COL6A5: variants seen among roughly 807,000 people sequenced by gnomAD.
COL6A5 encodes the protein collagen type VI alpha 5 chain.
Under a neutral mutation model 65.6 loss-of-function variants are expected in COL6A5, and 48 were observed. The observed-to-expected ratio is 0.73, with a 90% CI of 0.58 to 0.93. COL6A5 has a LOEUF of 0.93. Ranked by LOEUF, COL6A5 falls within the 40% of genes least tolerant of loss-of-function variation. The probability of loss-of-function intolerance (pLI) is 0.00; values close to 1 mark genes in which losing one functional copy is unlikely to be tolerated. For missense variants in COL6A5, 914 were observed against 928.3 expected, an observed-to-expected ratio of 0.98 and a Z score of 0.20; for synonymous variants, 291 against 322.8, an observed-to-expected ratio of 0.90 and a Z score of 1.05.
At chr3:130,350,444 T>C (rs1269520102) in intron 1 of COL6A5, among the ~76,000 whole-genome samples, 1 of 152,230 alleles carries the variant, frequency 6.6e-6, no homozygotes, top group Non-Finnish European at 1.5e-5. Flanking sequence ...CTTAAGCTGA[T>C]AAGCAACTTC....
chr3:130,438,056 T>C (rs137873717), intron 1 of COL6A5, among the ~76,000 whole-genome samples: 177 of 152,300 alleles, frequency 1.2e-3, no homozygotes, highest in African/African-American at 4.1e-3. Flanking sequence ...TGGAGTGCAG[T>C]GGCACGATCT....
chr3:130,409,993 A>G lies in COL6A5; in HGVS notation c.4543-16A>G. 1.3e-6 allele frequency: 2 copies of G among 1,525,490 alleles called. No individual in the cohort carries two copies. The highest frequency in any genetic ancestry group is 2.0e-5 in the Admixed American group (1 of 50,182). 94.5% of individuals were successfully genotyped at this position (1,525,490 alleles called of 1,614,324 possible). A position where few individuals can be genotyped will look rare whatever the true frequency, so the allele number is the denominator to read the frequency against. On this transcript the variant is annotated splice_polypyrimidine_tract_variant and intron_variant and NMD_transcript_variant, in intron 18 of 41. Coordinates refer to the COL6A5 transcript ENST00000312481. Reference sequence around the variant, plus strand: ...TATTTCTGGATTCTAAACTACTTTTAAAAATCTTTCTCTAGGGTAATCCAG... The same window carrying G: ...TATTTCTGGATTCTAAACTACTTTTGAAAATCTTTCTCTAGGGTAATCCAG...
At chr3:130,378,544 G>C (rs1232357268) in intron 3 of COL6A5, among the ~76,000 whole-genome samples, 2 of 152,080 alleles carry the variant, frequency 1.3e-5, no homozygotes, top group African/African-American at 4.8e-5. Flanking sequence ...CAACTGGAGT[G>C]GTATTTAAAA....
chr3:130,463,888 T>A (rs1709754839), intron 5 of COL6A5, among the ~76,000 whole-genome samples: 1 of 152,094 alleles, frequency 6.6e-6, no homozygotes, highest in Non-Finnish European at 1.5e-5. Flanking sequence ...TTAGCTTCTG[T>A]GATTCTCATG....
intron 1 of COL6A5, among the ~76,000 whole-genome samples, chr3:130,351,675 G>T (rs1934711920): frequency 6.6e-6 from 1 of 152,226 alleles, no homozygotes; most frequent in Non-Finnish European, 1.5e-5. Context: ...TGGAAAGGAT[G>T]TGGAGAAATA....
At chr3:130,423,890 C>G (rs962377711) in exon 29 of COL6A5, 1 of 1,548,892 alleles carries the variant, frequency 6.5e-7, no homozygotes, top group African/African-American at 1.4e-5. Flanking sequence ...CCAGGCCCTC[C>G]TGGACAGAGA....
chr3:130,351,940 A>C (rs942425173), intron 1 of COL6A5, among the ~76,000 whole-genome samples: 1 of 152,232 alleles, frequency 6.6e-6, no homozygotes, highest in Non-Finnish European at 1.5e-5. Flanking sequence ...GGATAAAGAA[A>C]ATGTGGCACA....
chr3:130,484,600 C>T (rs1376408823), exon 8 of COL6A5: 1 of 398,826 alleles, frequency 2.5e-6, no homozygotes, highest in Non-Finnish European at 4.4e-6. Flanking sequence ...GCTTTCTCTT[C>T]ACCAGGACAT....
chr3:130,422,716 TC>T lies in COL6A5; in HGVS notation c.5038-3del. On this transcript the variant is annotated splice_region_variant and splice_polypyrimidine_tract_variant and intron_variant and NMD_transcript_variant, in intron 27 of 41. Coordinates refer to the COL6A5 transcript ENST00000312481. ...ATCTTGACTTTTTATATCTGAATCT[TC>T]AGGGTGATATTGGTAATCCTGGAAT... is the stretch of plus-strand genomic sequence containing the variant. 1 of 1,524,798 alleles carries T rather than the reference TC, an allele frequency of 6.6e-7. No homozygotes were observed. Among genetic ancestry groups the T allele is most frequent in the Non-Finnish European group, 8.9e-7 (1 of 1,129,532 alleles). The allele number at this position is 1,524,798 out of a possible 1,614,324, so 94.5% of individuals were successfully genotyped here.
At chr3:130,460,295 A>C (rs771097023) in intron 5 of COL6A5, among the ~76,000 whole-genome samples, 2 of 152,102 alleles carry the variant, frequency 1.3e-5, no homozygotes, top group Non-Finnish European at 2.9e-5. Flanking sequence ...GAATAAACTG[A>C]GTCTCCCATT....
intron 29 of COL6A5, among the ~76,000 whole-genome samples, chr3:130,425,643 T>C (rs1937588577): frequency 6.6e-6 from 1 of 152,192 alleles, no homozygotes; most frequent in South Asian, 2.1e-4. Flanking sequence ...CTCCATAATC[T>C]CTTGGCATTT....
intron 7 of COL6A5, among the ~76,000 whole-genome samples, chr3:130,476,161 G>A (rs983433659): frequency 4.6e-5 from 7 of 152,054 alleles, no homozygotes; most frequent in African/African-American, 1.4e-4. Flanking sequence ...CAGCCTATAA[G>A]GTTCTTGATG....
At chr3:130,395,023 G>A (rs1936544981) in exon 8 of COL6A5, 1 of 1,551,466 alleles carries the variant, frequency 6.4e-7, no homozygotes, top group South Asian at 1.2e-5. Context: ...CTCAAAGAAT[G>A]AAAATTGGTA....
At chr3:130,355,768 C>T (rs1934902191) in intron 1 of COL6A5, among the ~76,000 whole-genome samples, 1 of 151,746 alleles carries the variant, frequency 6.6e-6, no homozygotes, top group African/African-American at 2.4e-5. Flanking sequence ...AAAGAGATGA[C>T]AGACGTAAGC....
chr3:130,463,292 A>G (rs1005220677), intron 5 of COL6A5, among the ~76,000 whole-genome samples: 2 of 148,458 alleles, frequency 1.3e-5, no homozygotes, highest in Non-Finnish European at 1.5e-5. Context: ...TGAAGAACAC[A>G]TGGTTAATTT....
At chr3:130,432,933 A>C (rs1484493226) in intron 1 of COL6A5, among the ~76,000 whole-genome samples, 2 of 152,184 alleles carry the variant, frequency 1.3e-5, no homozygotes, top group African/African-American at 2.4e-5. Flanking sequence ...TCTGTTCAAC[A>C]ACTTTTCAGT....
chr3:130,479,443 C>CA (rs1231010006), intron 7 of COL6A5, among the ~76,000 whole-genome samples: 24 of 97,530 alleles, frequency 2.5e-4, no homozygotes, highest in Middle Eastern at 4.6e-3. Context: ...AAACAAACAA[C>CA]AACAAACAAA....
intron 5 of COL6A5, among the ~76,000 whole-genome samples, chr3:130,457,795 T>C (rs1446297758): frequency 1.3e-5 from 2 of 152,166 alleles, no homozygotes; most frequent in African/African-American, 4.8e-5. Context: ...GAGTTTTCTG[T>C]ATAGTGTGCT....
At chr3:130,415,505 T>G in intron 22 of COL6A5, 140 bp from the exon 23 acceptor site, 1 of 695,642 alleles carries the variant, frequency 1.4e-6, no homozygotes, top group South Asian at 2.5e-5. Flanking sequence ...CAATGACTCT[T>G]AATACATGCT....
Sources: gnomAD v4.1 joint callset for allele counts (sites outside exome capture counted in the v4.1 genomes callset) on GRCh38, gnomAD v4.1.1 for gene constraint, MANE v1.5 for transcripts, NCBI Gene and HGNC (gene_info 2026-07-23, HGNC 2026-07-21) for gene names.